Variants in EIF4G3 observed in about 807,000 individuals in gnomAD.
The protein encoded by EIF4G3 is eukaryotic translation initiation factor 4 gamma 3.
EIF4G3 carries 34 observed loss-of-function variants against 186.4 expected under a neutral mutation model. The observed-to-expected ratio is 0.18, with a 90% CI of 0.14 to 0.24. The LOEUF is 0.24. EIF4G3 is among the 10% of genes least tolerant of loss of function. EIF4G3 has a pLI of 1.00. For synonymous variants in EIF4G3, 673 were observed against 679.5 expected (o/e 0.99, Z 0.15); for missense variants, 1,536 against 1,948.5 (o/e 0.79, Z 3.99).
At chr1:21,127,114 C>G (rs1315505360) in intron 2 of EIF4G3, among the ~76,000 whole-genome samples, 1 of 152,104 alleles carries the variant, frequency 6.6e-6, no homozygotes, top group Admixed American at 6.6e-5. Context: ...CCCTACCCCA[C>G]CCAGTAGCTG....
intron 33 of EIF4G3, 56 bp from the exon 34 acceptor site, chr1:20,817,594 C>G: frequency 4.3e-6 from 5 of 1,174,712 alleles, no homozygotes; most frequent in Non-Finnish European, 5.6e-6. Flanking sequence ...ATGTTATTGT[C>G]ATCCTGAGAG....
chr1:21,116,358 C>T (rs1449810644), intron 2 of EIF4G3, among the ~76,000 whole-genome samples: 2 of 151,980 alleles, frequency 1.3e-5, no homozygotes, highest in African/African-American at 4.8e-5. Flanking sequence ...TTTGAAAGTT[C>T]TATTTGATAC....
intron 2 of EIF4G3, chr1:21,168,161 T>A (rs2097891306): frequency 5.9e-5 from 24 of 404,206 alleles, no homozygotes; most frequent in South Asian, 4.5e-4. Context: ...CCCAACACTT[T>A]GGGAGGCTGA....
intron 3 of EIF4G3, among the ~76,000 whole-genome samples, chr1:21,065,952 T>C (rs1209751315): frequency 6.6e-6 from 1 of 152,086 alleles, no homozygotes; most frequent in Non-Finnish European, 1.5e-5. Flanking sequence ...GTCTAATCCT[T>C]TAAGCAAGTT....
intron 27 of EIF4G3, among the ~76,000 whole-genome samples, chr1:20,851,966 C>G (rs1324586514): frequency 6.6e-6 from 1 of 152,152 alleles, no homozygotes; most frequent in Non-Finnish European, 1.5e-5. Flanking sequence ...AGCAGTGAGC[C>G]AAGATTGCGC....
chr1:21,127,962 T>G (rs772219983), intron 2 of EIF4G3, among the ~76,000 whole-genome samples: 1 of 152,108 alleles, frequency 6.6e-6, no homozygotes, highest in East Asian at 1.9e-4. Context: ...CCCAGCACTT[T>G]GGGAAGCTGA....
chr1:20,833,105 G>A (rs1401232308), intron 30 of EIF4G3, among the ~76,000 whole-genome samples: 1 of 115,798 alleles, frequency 8.6e-6, no homozygotes, highest in Non-Finnish European at 1.8e-5. Flanking sequence ...CTCTTTTTTG[G>A]TTCCATATGA....
intron 33 of EIF4G3, among the ~76,000 whole-genome samples, chr1:20,819,443 ATATT>A (rs71585785): frequency 0.41 from 60,104 of 145,038 alleles, 12,770 homozygotes; most frequent in Non-Finnish European, 0.45. Context: ...CTGAAGTCTC[ATATT>A]TATTTATTTA....
intron 2 of EIF4G3, among the ~76,000 whole-genome samples, chr1:21,153,267 A>T (rs1264958400): frequency 1.3e-5 from 2 of 152,208 alleles, no homozygotes; most frequent in Non-Finnish European, 2.9e-5. Flanking sequence ...ACTCTTAGAC[A>T]GACAAAAGTC....
At chr1:20,892,814 G>C in intron 18 of EIF4G3, 1 of 920,196 alleles carries the variant, frequency 1.1e-6, no homozygotes. Flanking sequence ...AAACAAAACA[G>C]GAATCTTATC....
chr1:20,979,330 A>G (rs1466689641), intron 10 of EIF4G3, among the ~76,000 whole-genome samples: 3 of 152,176 alleles, frequency 2.0e-5, no homozygotes, highest in Non-Finnish European at 4.4e-5. Context: ...CATGCCATAG[A>G]TCTTATCACA....
At chr1:20,944,575 C>CAG (rs949877596) in intron 13 of EIF4G3, among the ~76,000 whole-genome samples, 2 of 150,104 alleles carry the variant, frequency 1.3e-5, no homozygotes, top group Non-Finnish European at 3.0e-5. Context: ...GGTGGGGGGA[C>CAG]AGAGAGAGAG....
intron 20 of EIF4G3, among the ~76,000 whole-genome samples, chr1:20,878,723 C>G (rs1350330002): frequency 6.6e-6 from 1 of 152,180 alleles, no homozygotes; most frequent in Non-Finnish European, 1.5e-5. Flanking sequence ...TGATACATGG[C>G]AGTTTATGAC....
intron 3 of EIF4G3, among the ~76,000 whole-genome samples, chr1:21,061,823 C>T (rs2094934515): frequency 1.3e-5 from 2 of 150,834 alleles, no homozygotes; most frequent in Admixed American, 1.3e-4. Context: ...TCTCGGCTCA[C>T]TGTAACCTTC....
intron 14 of EIF4G3, among the ~76,000 whole-genome samples, chr1:20,939,847 GTTTTTT>G (rs538504683): frequency 3.3e-5 from 3 of 89,910 alleles, no homozygotes; most frequent in Admixed American, 1.4e-4. Flanking sequence ...AAGTTGTTTA[GTTTTTT>G]TTTTTTTTTT....
intron 33 of EIF4G3, among the ~76,000 whole-genome samples, chr1:20,821,761 C>T (rs569923675): frequency 1.3e-5 from 2 of 151,022 alleles, no homozygotes; most frequent in Non-Finnish European, 3.0e-5. Flanking sequence ...ATTATGTATA[C>T]TTCTCTATTA....
chr1:21,025,421 C>T (rs1451027884), intron 4 of EIF4G3, among the ~76,000 whole-genome samples: 1 of 151,800 alleles, frequency 6.6e-6, no homozygotes, highest in Admixed American at 6.6e-5. Context: ...GTGATAAGGG[C>T]CTGATAACAG....
chr1:21,164,922 C>T (rs953084947), intron 2 of EIF4G3, among the ~76,000 whole-genome samples: 1 of 152,084 alleles, frequency 6.6e-6, no homozygotes, highest in Non-Finnish European at 1.5e-5. Flanking sequence ...ATCTGTTAAA[C>T]AACTTATATT....
At chr1:20,998,267 G>A (rs906254) in intron 6 of EIF4G3, among the ~76,000 whole-genome samples, 59,531 of 150,590 alleles carry the variant, frequency 0.4, 12,447 homozygotes, top group Middle Eastern at 0.52. Context: ...GTTTAAATGC[G>A]GTTAACTAAT....
Sources: gnomAD v4.1 joint callset for allele counts (sites outside exome capture counted in the v4.1 genomes callset) on GRCh38, gnomAD v4.1.1 for gene constraint, MANE v1.5 for transcripts, NCBI Gene and HGNC (gene_info 2026-07-23, HGNC 2026-07-21) for gene names.